OLA1: variants seen among roughly 807,000 people sequenced by gnomAD.
OLA1 encodes the protein Obg like ATPase 1, also known as obg-like ATPase 1.
OLA1 carries 14 observed loss-of-function variants against 48.4 expected under a neutral mutation model. That is an observed-to-expected ratio of 0.29 (90% CI 0.19 to 0.45). OLA1 has a LOEUF of 0.45. OLA1 is among the 20% of genes least tolerant of loss of function. The pLI is 1.00. For missense variants in OLA1, 325 were observed against 467.1 expected (o/e 0.70, Z 2.80); for synonymous variants, 127 against 150.4 (o/e 0.84, Z 1.14).
At position 174,152,873 on chromosome 2, in the gene OLA1, G is replaced by C. The variant is rs981479824; in HGVS notation, c.374-10873C>G. Among the ~76,000 whole-genome samples, 5 of 152,174 alleles carry C rather than the reference G, an allele frequency of 3.3e-5. No individual in the cohort carries two copies. In the East Asian group the frequency reaches 5.8e-4, roughly 18 times the overall value. ...ATAACAAAGGCCATAAAATAATCCA[G>C]TCTGTGCTAGTCTAATTGTTTAATG... On this transcript the variant is annotated intron_variant, in intron 4 of 10. Transcript: ENST00000284719.
At chr2:174,150,602 G>A (rs916272377) in intron 4 of OLA1, among the ~76,000 whole-genome samples, 3 of 152,172 alleles carry the variant, frequency 2.0e-5, no homozygotes, top group Non-Finnish European at 4.4e-5. Context: ...CAGAGACACA[G>A]AATTCCTTGG....
chr2:174,097,730 GAA>G (rs55967538), intron 7 of OLA1, among the ~76,000 whole-genome samples: 1 of 126,202 alleles, frequency 7.9e-6, no homozygotes, highest in Non-Finnish European at 1.7e-5. Flanking sequence ...CTCAAAAAAA[GAA>G]AAAAAAAAAA....
intron 4 of OLA1, among the ~76,000 whole-genome samples, chr2:174,198,077 C>A (rs188041962): frequency 1.3e-5 from 2 of 152,306 alleles, no homozygotes; most frequent in East Asian, 3.9e-4. Flanking sequence ...GATTCTCCTG[C>A]CTCAGCACCC....
intron 7 of OLA1, among the ~76,000 whole-genome samples, chr2:174,084,524 G>A (rs1684924478): frequency 6.6e-6 from 1 of 152,014 alleles, no homozygotes; most frequent in African/African-American, 2.4e-5. Context: ...TAAACCTAGG[G>A]TAATTAAAAA....
At chr2:174,149,360 C>G (rs1444652941) in intron 4 of OLA1, among the ~76,000 whole-genome samples, 1 of 152,066 alleles carries the variant, frequency 6.6e-6, no homozygotes, top group East Asian at 1.9e-4. Flanking sequence ...ATAACTTCCC[C>G]ATATATGTTG....
At chr2:174,092,141 A>G (rs1685141150) in intron 7 of OLA1, among the ~76,000 whole-genome samples, 4 of 107,854 alleles carry the variant, frequency 3.7e-5, no homozygotes, top group Admixed American at 3.6e-4. Context: ...AAAAAAAAAA[A>G]AGAAAGAAAA....
chr2:174,100,439 C>G (rs754428689), intron 7 of OLA1, among the ~76,000 whole-genome samples: 22 of 152,126 alleles, frequency 1.4e-4, no homozygotes, highest in Admixed American at 3.9e-4. Flanking sequence ...GGGTCTCACT[C>G]TGTTGCCCAG....
At chr2:174,195,962 A>C (rs1687870152) in intron 4 of OLA1, among the ~76,000 whole-genome samples, 1 of 152,146 alleles carries the variant, frequency 6.6e-6, no homozygotes, top group African/African-American at 2.4e-5. Context: ...TCAATATACT[A>C]GTACTGTTAA....
intron 3 of OLA1, among the ~76,000 whole-genome samples, chr2:174,225,888 A>G (rs1198280553): frequency 6.6e-6 from 1 of 152,056 alleles, no homozygotes; most frequent in African/African-American, 2.4e-5. Context: ...CTGAGATTCT[A>G]TTTTCTATTG....
At chr2:174,081,284 A>C (rs368621869) in intron 8 of OLA1, 36 bp from the exon 9 acceptor site, 2 of 1,522,486 alleles carry the variant, frequency 1.3e-6, no homozygotes, top group African/African-American at 1.4e-5. Flanking sequence ...CCAACACATA[A>C]GTTGATTGTG....
At chr2:174,247,860 C>A (rs1689161727) in intron 1 of OLA1, 4 of 1,445,298 alleles carry the variant, frequency 2.8e-6, no homozygotes, top group Admixed American at 2.0e-5. Context: ...CCAAATCATG[C>A]GTGCAGAATT....
intron 4 of OLA1, among the ~76,000 whole-genome samples, chr2:174,176,692 A>C (rs983703342): frequency 6.6e-6 from 1 of 151,992 alleles, no homozygotes; most frequent in Non-Finnish European, 1.5e-5. Context: ...CACCGTGGTA[A>C]GGTCTTACAC....
chr2:174,115,545 G>A (rs1685761360), intron 7 of OLA1, among the ~76,000 whole-genome samples: 1 of 152,144 alleles, frequency 6.6e-6, no homozygotes, highest in Non-Finnish European at 1.5e-5. Flanking sequence ...TCAATGGTAT[G>A]TACTTAAATA....
chr2:174,201,716 A>AT (rs778126109), intron 4 of OLA1, among the ~76,000 whole-genome samples: 1 of 152,226 alleles, frequency 6.6e-6, no homozygotes, highest in Non-Finnish European at 1.5e-5. Flanking sequence ...AGCCTTTATT[A>AT]TACTGCTTAT....
intron 7 of OLA1, among the ~76,000 whole-genome samples, chr2:174,083,573 T>G (rs1014653351): frequency 1.3e-5 from 2 of 152,008 alleles, no homozygotes; most frequent in African/African-American, 4.8e-5. Context: ...TAACCAAAAT[T>G]AAGAAGGACA....
intron 4 of OLA1, among the ~76,000 whole-genome samples, chr2:174,168,445 C>A (rs1419147660): frequency 2.6e-5 from 4 of 151,972 alleles, no homozygotes; most frequent in Admixed American, 6.6e-5. Flanking sequence ...AACCTAGAAT[C>A]GCCATAATGT....
intron 7 of OLA1, among the ~76,000 whole-genome samples, chr2:174,114,899 G>C (rs765521381): frequency 3.3e-5 from 5 of 152,116 alleles, no homozygotes; most frequent in Admixed American, 1.3e-4. Context: ...AGAGGCCAAG[G>C]CACGTGGATC....
In OLA1 at chr2:174,191,046, T is replaced by C. The variant is rs1157656615; in HGVS notation, c.373+31987A>G. 2.6e-5 allele frequency among the ~76,000 whole-genome samples: 4 copies of C among 151,824 alleles called. No homozygotes were observed. The East Asian group carries it at 7.7e-4, about 29-fold the overall frequency. On this transcript the variant is annotated intron_variant, in intron 4 of 10. Coordinates refer to ENST00000284719, the MANE Select transcript of OLA1 (RefSeq NM_013341.5). ...AAGAATCCATTCAAGAGCTCTATTGTACATAACAGTGAGTATAGTTAATAC... is the reference window on the plus strand; with the variant it reads ...AAGAATCCATTCAAGAGCTCTATTGCACATAACAGTGAGTATAGTTAATAC...
At chr2:174,142,027 C>T in intron 4 of OLA1, 27 bp from the exon 5 acceptor site, 1 of 1,594,556 alleles carries the variant, frequency 6.3e-7, no homozygotes, top group Non-Finnish European at 8.6e-7. Flanking sequence ...GGAAGCAATT[C>T]AATAAACAAA....
Sources: gnomAD v4.1 joint callset for allele counts (sites outside exome capture counted in the v4.1 genomes callset) on GRCh38, gnomAD v4.1.1 for gene constraint, MANE v1.5 for transcripts, NCBI Gene and HGNC (gene_info 2026-07-23, HGNC 2026-07-21) for gene names.